SDK1: variants seen among roughly 807,000 people sequenced by gnomAD.
The protein encoded by SDK1 is sidekick cell adhesion molecule 1.
SDK1 carries 157 observed loss-of-function variants against 245.5 expected under a neutral mutation model. The observed-to-expected ratio is 0.64, with a 90% CI of 0.56 to 0.73. SDK1 has a LOEUF of 0.73. Ranked by LOEUF, SDK1 falls within the 30% of genes least tolerant of loss-of-function variation. SDK1 has a pLI of 0.00. For missense variants in SDK1, 3,583 were observed against 3,002.3 expected (o/e 1.19, Z -4.52); for synonymous variants, 1,647 against 1,278.5 (o/e 1.29, Z -6.15).
intron 1 of SDK1, among the ~76,000 whole-genome samples, chr7:3,401,144 T>C (rs945842626): frequency 1.1e-4 from 16 of 152,198 alleles, no homozygotes; most frequent in African/African-American, 3.1e-4. Context: ...CTGAAAAATA[T>C]ACAGATCACG....
chr7:3,829,175 C>T (rs58327588), intron 5 of SDK1, among the ~76,000 whole-genome samples: 3,368 of 152,184 alleles, frequency 0.022, 136 homozygotes, highest in African/African-American at 0.075. Flanking sequence ...AAATTATGTT[C>T]TTTTTAGTCC....
intron 1 of SDK1, among the ~76,000 whole-genome samples, chr7:3,562,945 C>T (rs189291149): frequency 7.0e-6 from 1 of 143,382 alleles, no homozygotes; most frequent in Non-Finnish European, 1.5e-5. Context: ...ATCAAGTCCC[C>T]TGGCAAAGTT....
At chr7:3,585,037 G>C (rs943263111) in intron 1 of SDK1, among the ~76,000 whole-genome samples, 16 of 152,026 alleles carry the variant, frequency 1.1e-4, no homozygotes. Context: ...TTCACGTTTT[G>C]AGTGATCCAC....
intron 14 of SDK1, among the ~76,000 whole-genome samples, chr7:4,003,999 GCAT>G (rs764571777): frequency 6.6e-6 from 1 of 152,242 alleles, no homozygotes; most frequent in Non-Finnish European, 1.5e-5. Context: ...TGCACAAGGA[GCAT>G]TAATGGAGAG....
intron 14 of SDK1, 29 bp from the exon 15 acceptor site, chr7:4,010,937 G>C: frequency 6.2e-7 from 1 of 1,612,976 alleles, no homozygotes; most frequent in Non-Finnish European, 8.5e-7. Context: ...AAGCCTGTGG[G>C]CTTGAATTCG....
rs74619452 is a variant in SDK1, at chr7:4,122,151, C to T, written c.3824-5230C>T. Among the ~76,000 whole-genome samples the T allele has an allele frequency of 6.5e-3, 990 of 152,242 alleles. 8 individuals are homozygous for T. The highest frequency in any genetic ancestry group is 0.023 in the African/African-American group (951 of 41,528). ...TTCCGCTCCCCCTCCTTGTGTTTAG[C>T]TCATCAGAATGGAGATTTCACAGCC... On this transcript the variant is annotated intron_variant, in intron 25 of 44. Coordinates refer to ENST00000404826, the MANE Select transcript of SDK1 (RefSeq NM_152744.4).
At chr7:3,847,200 A>G (rs1020723383) in intron 5 of SDK1, among the ~76,000 whole-genome samples, 1 of 151,884 alleles carries the variant, frequency 6.6e-6, no homozygotes, top group African/African-American at 2.4e-5. Flanking sequence ...TGGAACTCAC[A>G]TGTGTGCCCT....
At chr7:4,232,342 A>G (rs539341235) in intron 40 of SDK1, among the ~76,000 whole-genome samples, 1 of 139,780 alleles carries the variant, frequency 7.2e-6, no homozygotes, top group African/African-American at 2.7e-5. Context: ...CTGATGCTAT[A>G]GTGTCATAAG....
At position 3,783,394 on chromosome 7, in the gene SDK1, A is replaced by T. The variant is rs185957957; in HGVS notation, c.714-38056A>T. 1.2e-3 allele frequency among the ~76,000 whole-genome samples: 179 copies of T among 152,256 alleles called. 1 individual carries two copies. Among genetic ancestry groups the T allele is most frequent in the African/African-American group, 4.1e-3 (171 of 41,564 alleles). On this transcript the variant is annotated intron_variant, in intron 4 of 44. Transcript: ENST00000404826. ...AAGAAAAATAAATAGAAGGCATCGT[A>T]ATAGGAAAGGAAGAGCTGAAGTTGT... is the stretch of plus-strand genomic sequence containing the variant.
chr7:4,050,637 G>A (rs1789380877), intron 18 of SDK1, among the ~76,000 whole-genome samples: 1 of 152,056 alleles, frequency 6.6e-6, no homozygotes, highest in Non-Finnish European at 1.5e-5. Flanking sequence ...GATACAGTCT[G>A]TATTTCTTTA....
intron 1 of SDK1, among the ~76,000 whole-genome samples, chr7:3,376,798 T>TAA (rs145450654): frequency 4.0e-5 from 6 of 151,756 alleles, no homozygotes; most frequent in South Asian, 2.1e-4. Flanking sequence ...TGTATACTGT[T>TAA]AAAAAAAAAT....
At chr7:4,230,205 G>A (rs1255677024) in intron 40 of SDK1, among the ~76,000 whole-genome samples, 1 of 150,366 alleles carries the variant, frequency 6.7e-6, no homozygotes, top group African/African-American at 2.5e-5. Flanking sequence ...GTAGGTAGAT[G>A]AGTAGATGTG....
At chr7:3,323,967 T>C (rs544330268) in intron 1 of SDK1, among the ~76,000 whole-genome samples, 1 of 152,328 alleles carries the variant, frequency 6.6e-6, no homozygotes, top group East Asian at 1.9e-4. Context: ...TCCATTTCTT[T>C]AAGCCGTTTG....
chr7:4,007,932 T>C (rs1165877574), intron 14 of SDK1, among the ~76,000 whole-genome samples: 1 of 152,296 alleles, frequency 6.6e-6, no homozygotes, highest in East Asian at 1.9e-4. Flanking sequence ...AAATCCATCA[T>C]GTTCACCATT....
At chr7:4,154,685 G>A (rs574106999) in intron 30 of SDK1, among the ~76,000 whole-genome samples, 3 of 152,266 alleles carry the variant, frequency 2.0e-5, no homozygotes, top group East Asian at 1.9e-4. Context: ...TGGAAGCCCC[G>A]GTGCTGCTAT....
chr7:3,799,104 G>C (rs796816216), intron 4 of SDK1, among the ~76,000 whole-genome samples: 29 of 152,288 alleles, frequency 1.9e-4, no homozygotes, highest in African/African-American at 6.0e-4. Flanking sequence ...TGGATAACCA[G>C]TAGAATAAGT....
At chr7:3,482,049 A>G (rs905014960) in intron 1 of SDK1, among the ~76,000 whole-genome samples, 4 of 152,246 alleles carry the variant, frequency 2.6e-5, no homozygotes, top group African/African-American at 9.6e-5. Flanking sequence ...CATCTATTAA[A>G]GAAAAAAGGC....
intron 7 of SDK1, 54 bp downstream of exon 7, chr7:3,951,974 C>G: frequency 6.7e-7 from 1 of 1,481,526 alleles, no homozygotes; most frequent in Non-Finnish European, 9.2e-7. Flanking sequence ...GCATCCGACA[C>G]TGACTCTTCT....
chr7:3,967,924 A>G (rs1562589292), intron 10 of SDK1, among the ~76,000 whole-genome samples: 1 of 152,230 alleles, frequency 6.6e-6, no homozygotes, highest in Non-Finnish European at 1.5e-5. Flanking sequence ...CATGGGCACA[A>G]GGATAAATAG....
Sources: allele counts gnomAD v4.1 joint callset (sites outside exome capture counted in the v4.1 genomes callset), GRCh38; gene constraint gnomAD v4.1.1; transcripts MANE v1.5; gene names NCBI Gene and HGNC (gene_info 2026-07-23, HGNC 2026-07-21).